The following TIAM1 variants were observed in gnomAD, a reference collection of about 807,000 sequenced individuals.
TIAM1 encodes the protein TIAM Rac1 associated GEF 1.
A neutral mutation model predicts 163.5 loss-of-function variants in TIAM1; 65 were observed. The observed-to-expected ratio is 0.40, with a 90% CI of 0.33 to 0.49. The LOEUF (loss-of-function observed/expected upper bound fraction) is 0.49. TIAM1 is among the 20% of genes least tolerant of loss of function. TIAM1 has a pLI of 0.77. For missense variants in TIAM1, 1,789 were observed against 2,044.7 expected, an observed-to-expected ratio of 0.87 and a Z score of 2.41; for synonymous variants, 833 against 810.1, an observed-to-expected ratio of 1.03 and a Z score of -0.48.
At chr21:31,317,502 G>A (rs998947078) in intron 2 of TIAM1, among the ~76,000 whole-genome samples, 9 of 151,918 alleles carry the variant, frequency 5.9e-5, no homozygotes, top group African/African-American at 2.2e-4. Flanking sequence ...CTGCTTGGTC[G>A]GGCACGGCGG....
chr21:31,177,515 G>A (rs1211370744), intron 15 of TIAM1, among the ~76,000 whole-genome samples: 1 of 152,158 alleles, frequency 6.6e-6, no homozygotes, highest in South Asian at 2.1e-4. Flanking sequence ...GCTGAGGCAG[G>A]AGAATCACTT....
intron 2 of TIAM1, among the ~76,000 whole-genome samples, chr21:31,460,746 C>G (rs1322106521): frequency 1.3e-5 from 2 of 152,232 alleles, no homozygotes; most frequent in Non-Finnish European, 2.9e-5. Flanking sequence ...GTTAATTACA[C>G]ATTATGACAC....
intron 2 of TIAM1, among the ~76,000 whole-genome samples, chr21:31,414,757 T>C (rs13045998): frequency 0.062 from 9,381 of 152,286 alleles, 368 homozygotes; most frequent in East Asian, 0.11. Flanking sequence ...GGATGAGATC[T>C]GAGAATCATT....
Position 31,120,937 on chromosome 21 carries a change from G to A in TIAM1, c.4307-100C>T, listed in dbSNP as rs779397792. The A allele has an allele frequency of 6.7e-5, 76 of 1,141,652 alleles. No individual in the cohort carries two copies. Among genetic ancestry groups the A allele is most frequent in the Non-Finnish European group, 8.5e-5 (70 of 826,442 alleles). 70.7% of individuals were successfully genotyped at this position (1,141,652 alleles called of 1,614,324 possible). A position where few individuals can be genotyped will look rare whatever the true frequency, so the allele number is the denominator to read the frequency against. On this transcript the variant is annotated intron_variant, in intron 27 of 27. Coordinates refer to ENST00000541036, the MANE Select transcript of TIAM1 (RefSeq NM_001353694.2). The surrounding 1 kb of genome is among the most constrained non-coding windows in gnomAD (Gnocchi z 4.2). Reference sequence around the variant, plus strand: ...GACAGGAGAAAATAAAAACCAAAACGGTATGCATTGAATGCCTTGATGTCT... The same window carrying A: ...GACAGGAGAAAATAAAAACCAAAACAGTATGCATTGAATGCCTTGATGTCT...
At position 31,266,047 on chromosome 21, in the gene TIAM1, C is replaced by T. The variant is rs2072740947; in HGVS notation, c.926G>A (p.Ser309Asn). ...AGCTCTTCTGCCTTGCATGCTGTTGCTATGGCTAATTTGTGGGTTGGTGGC... is the reference window on the plus strand; with the variant it reads ...AGCTCTTCTGCCTTGCATGCTGTTGTTATGGCTAATTTGTGGGTTGGTGGC... ...EGATNPQISH[S>N]NSMQGRRAKT... The change falls in exon 4 of 28, where the codon AGC becomes AAC. Residue 309 changes from serine (S) to asparagine (N), a missense_variant. Physicochemically the swap from Ser to Asn is conservative, Grantham distance 46 (BLOSUM62 1). Coordinates refer to ENST00000541036, the MANE Select transcript of TIAM1 (RefSeq NM_001353694.2). The T allele has an allele frequency of 6.2e-7, 1 of 1,614,088 alleles. No individual in the cohort carries two copies. Among genetic ancestry groups the T allele is most frequent in the Admixed American group, 1.7e-5 (1 of 60,010 alleles).
intron 6 of TIAM1, among the ~76,000 whole-genome samples, chr21:31,243,205 A>ATATATAT (rs1555902456): frequency 1.8e-4 from 22 of 125,462 alleles, no homozygotes; most frequent in African/African-American, 7.3e-4. Context: ...AAAAAAAAAA[A>ATATATAT]AAAAATATAT....
intron 2 of TIAM1, among the ~76,000 whole-genome samples, chr21:31,308,162 G>A (rs2146978738): frequency 6.6e-6 from 1 of 152,232 alleles, no homozygotes; most frequent in South Asian, 2.1e-4. Flanking sequence ...AAAGTAGGAG[G>A]ACTGATTGAG....
intron 2 of TIAM1, among the ~76,000 whole-genome samples, chr21:31,317,068 T>G (rs958736662): frequency 6.6e-6 from 1 of 152,214 alleles, no homozygotes; most frequent in African/African-American, 2.4e-5. Context: ...TTGTCTCAGT[T>G]GGTCCAGAAA....
intron 7 of TIAM1, 88 bp downstream of exon 7, chr21:31,225,638 T>G: frequency 3.6e-6 from 4 of 1,100,900 alleles, no homozygotes; most frequent in Non-Finnish European, 5.3e-6. Context: ...CCGATGATGT[T>G]TCACGATTCC....
chr21:31,215,589 A>AAAAAAAAAAAAG (rs1555893145), intron 9 of TIAM1, among the ~76,000 whole-genome samples: 2 of 147,556 alleles, frequency 1.4e-5, no homozygotes, highest in African/African-American at 5.3e-5. Context: ...AAAAAAAAAA[A>AAAAAAAAAAAAG]GAAGAGAAAT....
Position 31,312,423 on chromosome 21 carries a change from G to A in TIAM1, c.-189+26820C>T, listed in dbSNP as rs146204215. ...AGGTGAGTTAGCGTCATTAGTATAC[G>A]CAGCATGTAGTGGCAGATCCCTTAC... On this transcript the variant is annotated intron_variant, in intron 2 of 27. Transcript: ENST00000541036. Among the ~76,000 whole-genome samples the A allele has an allele frequency of 1.0e-3, 158 of 152,220 alleles. 1 individual carries two copies. The highest frequency in any genetic ancestry group is 2.8e-3 in the African/African-American group (115 of 41,538).
intron 9 of TIAM1, 71 bp downstream of exon 9, chr21:31,217,482 A>G: frequency 1.3e-6 from 2 of 1,559,888 alleles, no homozygotes; most frequent in Non-Finnish European, 1.7e-6. Flanking sequence ...GAAGAAACAC[A>G]CACACCCCAA....
intron 6 of TIAM1, among the ~76,000 whole-genome samples, chr21:31,244,477 C>A (rs2071387293): frequency 6.6e-6 from 1 of 152,218 alleles, no homozygotes; most frequent in South Asian, 2.1e-4. Flanking sequence ...GTAATCCCAG[C>A]ACTTTGGTAG....
intron 15 of TIAM1, among the ~76,000 whole-genome samples, chr21:31,179,953 T>C (rs912174073): frequency 5.8e-4 from 87 of 149,146 alleles, no homozygotes; most frequent in African/African-American, 2.2e-3. Flanking sequence ...TCGCCCAGGC[T>C]GAAGTGCAGT....
At chr21:31,164,052 C>T (rs1032542559) in intron 16 of TIAM1, among the ~76,000 whole-genome samples, 1 of 151,856 alleles carries the variant, frequency 6.6e-6, no homozygotes, top group Non-Finnish European at 1.5e-5. Flanking sequence ...AAAGAGGCTA[C>T]TGACCCATGG....
chr21:31,293,406 C>T (rs564297380), intron 2 of TIAM1, among the ~76,000 whole-genome samples: 2 of 152,340 alleles, frequency 1.3e-5, no homozygotes, highest in South Asian at 2.1e-4. Flanking sequence ...AACATCTAGA[C>T]ATCTAGACTG....
chr21:31,221,259 G>A (rs182617472), intron 8 of TIAM1, among the ~76,000 whole-genome samples: 435 of 152,278 alleles, frequency 2.9e-3, no homozygotes, highest in African/African-American at 9.4e-3. Flanking sequence ...GACTTGTTCC[G>A]GCTGAAATGA....
At chr21:31,152,577 G>C (rs774174347) in intron 19 of TIAM1, 59 bp downstream of exon 19, 122 of 1,599,696 alleles carry the variant, frequency 7.6e-5, no homozygotes, top group Non-Finnish European at 9.7e-5. Context: ...ACACGATCAG[G>C]GGATTCAACT....
intron 1 of TIAM1, among the ~76,000 whole-genome samples, chr21:31,485,908 G>T (rs951681378): frequency 6.6e-6 from 1 of 152,154 alleles, no homozygotes; most frequent in Non-Finnish European, 1.5e-5. Flanking sequence ...ACAAGGTGAC[G>T]GTCCAGCTCC....
Sources: allele counts gnomAD v4.1 joint callset (sites outside exome capture counted in the v4.1 genomes callset), GRCh38; gene constraint gnomAD v4.1.1; non-coding constraint Gnocchi (gnomAD v3.1); transcripts MANE v1.5; gene names NCBI Gene and HGNC (gene_info 2026-07-23, HGNC 2026-07-21).